IPMK: variants seen among roughly 807,000 people sequenced by gnomAD.
IPMK encodes the protein inositol 1,3,4,6-tetrakisphosphate 5-kinase.
IPMK carries 17 observed loss-of-function variants against 45.8 expected under a neutral mutation model. The ratio of observed to expected loss-of-function variants is 0.37; its 90% CI spans 0.25 to 0.56. The LOEUF is 0.56. Ranked by LOEUF, IPMK falls within the 20% of genes least tolerant of loss-of-function variation. IPMK has a pLI of 0.79. For missense variants in IPMK, 399 were observed against 498.0 expected (o/e 0.80, Z 1.89); for synonymous variants, 180 against 184.3 (o/e 0.98, Z 0.19).
intron 3 of IPMK, among the ~76,000 whole-genome samples, chr10:58,219,019 T>C (rs1838290961): frequency 2.0e-5 from 3 of 152,346 alleles, no homozygotes; most frequent in South Asian, 2.1e-4. Context: ...TTTTATTTGA[T>C]ATTTTGTTAG....
chr10:58,233,954 A>T lies in IPMK; in HGVS notation c.276+3775T>A, dbSNP rs141352151. Among the ~76,000 whole-genome samples the T allele has an allele frequency of 7.3e-3, 1,113 of 152,332 alleles. 9 individuals carry two copies. The highest frequency in any genetic ancestry group is 0.014 in the Middle Eastern group (4 of 294). On this transcript the variant is annotated intron_variant, in intron 2 of 5. Transcript: ENST00000373935. ...AGCCCAAAATCTTAAGCTAATAAGC[A>T]ACTTCAGCAAAGTCTCAGGATACAA...
chr10:58,208,768 AT>A (rs1170139262), intron 4 of IPMK, among the ~76,000 whole-genome samples: 3 of 152,078 alleles, frequency 2.0e-5, no homozygotes, highest in Non-Finnish European at 4.4e-5. Context: ...TATTTATTTA[AT>A]TTTTTCCTAA....
chr10:58,265,721 T>C (rs952070071), intron 1 of IPMK, among the ~76,000 whole-genome samples: 2 of 152,314 alleles, frequency 1.3e-5, no homozygotes, highest in African/African-American at 4.8e-5. Flanking sequence ...GACTACTACC[T>C]CTAGAATCTA....
intron 3 of IPMK, among the ~76,000 whole-genome samples, chr10:58,222,808 C>T (rs1005710113): frequency 3.3e-5 from 5 of 152,232 alleles, no homozygotes; most frequent in Non-Finnish European, 5.9e-5. Flanking sequence ...TGTGGCTTTA[C>T]CAAGGATATT....
At chr10:58,209,380 C>T (rs1390293316) in intron 4 of IPMK, among the ~76,000 whole-genome samples, 2 of 152,192 alleles carry the variant, frequency 1.3e-5, no homozygotes, top group Admixed American at 6.5e-5. Flanking sequence ...AGAAACTACC[C>T]ACCAGTGAAA....
At chr10:58,249,848 T>A (rs1838856887) in intron 1 of IPMK, among the ~76,000 whole-genome samples, 1 of 152,074 alleles carries the variant, frequency 6.6e-6, no homozygotes, top group African/African-American at 2.4e-5. Flanking sequence ...ATCAAATACA[T>A]ATTGGTTTTT....
rs185460476 is a variant in IPMK at position 58,214,506 on chromosome 10, A to G, written c.546+1639T>C. On this transcript the variant is annotated intron_variant, in intron 4 of 5. Coordinates refer to ENST00000373935, the MANE Select transcript of IPMK (RefSeq NM_152230.5). Reference sequence around the variant, plus strand: ...TTCCTGTTTGTTTTAACTGTATTCCATTACCATTTTTTCTTTTTCTATACA... The same window carrying G: ...TTCCTGTTTGTTTTAACTGTATTCCGTTACCATTTTTTCTTTTTCTATACA... Among the ~76,000 whole-genome samples the G allele has an allele frequency of 2.7e-4, 41 of 152,304 alleles. No homozygotes were observed. In the East Asian group the frequency reaches 7.9e-3, roughly 29 times the overall value.
At chr10:58,236,689 G>C (rs1423395807) in intron 2 of IPMK, among the ~76,000 whole-genome samples, 50 of 151,962 alleles carry the variant, frequency 3.3e-4, no homozygotes, top group Non-Finnish European at 8.8e-5. Flanking sequence ...AGGATCGCTT[G>C]AGCCCAGGAG....
intron 3 of IPMK, among the ~76,000 whole-genome samples, chr10:58,221,448 C>G (rs1588958571): frequency 6.6e-6 from 1 of 151,476 alleles, no homozygotes; most frequent in African/African-American, 2.4e-5. Context: ...AAGATTACTA[C>G]AGCTAGGTTT....
At chr10:58,200,967 A>C (rs1023031606) in intron 4 of IPMK, among the ~76,000 whole-genome samples, 2 of 152,184 alleles carry the variant, frequency 1.3e-5, no homozygotes, top group Non-Finnish European at 2.9e-5. Context: ...CTATGTGTTC[A>C]CAGTGTTTTT....
chr10:58,255,366 C>G (rs1409665098), intron 1 of IPMK, among the ~76,000 whole-genome samples: 1 of 152,208 alleles, frequency 6.6e-6, no homozygotes, highest in Non-Finnish European at 1.5e-5. Flanking sequence ...TCTCTCCTCT[C>G]ACCTCAGAAA....
intron 1 of IPMK, among the ~76,000 whole-genome samples, chr10:58,246,651 A>G (rs907112763): frequency 3.6e-4 from 52 of 146,346 alleles, no homozygotes; most frequent in Admixed American, 2.0e-3. Flanking sequence ...ACAAAAATCA[A>G]TTCAAGATGG....
intron 5 of IPMK, 53 bp downstream of exon 5, chr10:58,199,187 T>G: frequency 1.8e-6 from 2 of 1,087,320 alleles, no homozygotes; most frequent in Non-Finnish European, 2.7e-6. Flanking sequence ...TGAAATAACT[T>G]TAGAAGTCTT....
In IPMK at chr10:58,267,511, T is replaced by G. The variant is rs1839168461; in HGVS notation, c.101A>C (p.Gln34Pro). ...AIESTPEGTP[Q>P]PAGGRLRFLN... is the part of the protein sequence containing the mutation. The stretch of plus-strand genomic sequence containing the variant: ...GAAGCGGAGTCTGCCGCCCGCCGGC[T>G]GCGGGGTGCCCTCAGGGGTGGACTC... Residue 34 changes from glutamine to proline, a missense_variant, in exon 1 of 6, where the codon CAG (glutamine) becomes CCG (proline). Gln to Pro is a moderately conservative substitution (Grantham distance 76). Transcript: ENST00000373935. The G allele has an allele frequency of 6.2e-7, 1 of 1,613,220 alleles. No individual in the cohort carries two copies. The highest frequency in any genetic ancestry group is 8.5e-7 in the Non-Finnish European group (1 of 1,179,764).
rs944485387 is a variant in IPMK at position 58,252,034 on chromosome 10, T to A, written c.191-14220A>T. On this transcript the variant is annotated intron_variant, in intron 1 of 5. Transcript: ENST00000373935. ...CATTTTGTTAGTTGTTTTGTGGTTGTTTTGTAGATCTTTTCTTCCTTTTTT... is the reference window on the plus strand; with the variant it reads ...CATTTTGTTAGTTGTTTTGTGGTTGATTTGTAGATCTTTTCTTCCTTTTTT... 3.3e-5 allele frequency among the ~76,000 whole-genome samples: 5 copies of A among 152,362 alleles called. No homozygotes were observed. The East Asian group carries it at 9.6e-4, about 29-fold the overall frequency.
chr10:58,252,379 A>C (rs2132174978), intron 1 of IPMK, among the ~76,000 whole-genome samples: 1 of 151,166 alleles, frequency 6.6e-6, no homozygotes, highest in Non-Finnish European at 1.5e-5. Flanking sequence ...TTCATCTTTA[A>C]GATATAAGTG....
chr10:58,251,495 T>C (rs1201252348), intron 1 of IPMK, among the ~76,000 whole-genome samples: 1 of 152,100 alleles, frequency 6.6e-6, no homozygotes, highest in Non-Finnish European at 1.5e-5. Flanking sequence ...GTCTGTTGGG[T>C]CCATTTGGCT....
At chr10:58,249,816 TTTA>T (rs1212120511) in intron 1 of IPMK, among the ~76,000 whole-genome samples, 1 of 152,240 alleles carries the variant, frequency 6.6e-6, no homozygotes, top group Non-Finnish European at 1.5e-5. Flanking sequence ...TTCTAGTAGT[TTTA>T]TGTTTTACAT....
intron 4 of IPMK, among the ~76,000 whole-genome samples, chr10:58,215,403 G>C (rs1216712737): frequency 3.0e-5 from 4 of 132,796 alleles, no homozygotes; most frequent in Admixed American, 2.9e-4. Flanking sequence ...TTTTTGGTAG[G>C]GGGGTGGCGT....
Sources: allele counts gnomAD v4.1 joint callset (sites outside exome capture counted in the v4.1 genomes callset), GRCh38; gene constraint gnomAD v4.1.1; transcripts MANE v1.5; gene names NCBI Gene and HGNC (gene_info 2026-07-23, HGNC 2026-07-21).